CCDC171: variants seen among roughly 807,000 people sequenced by gnomAD.
The protein encoded by CCDC171 is coiled-coil domain-containing protein 171.
Under a neutral mutation model 168.2 loss-of-function variants are expected in CCDC171, and 177 were observed. The ratio of observed to expected loss-of-function variants is 1.05; its 90% CI spans 0.93 to 1.19. The LOEUF is 1.19. Among genes scored for constraint, CCDC171 ranks in the 50% most tolerant of loss-of-function variants. CCDC171 has a pLI of 0.00. For missense variants in CCDC171, 1,991 were observed against 1,539.0 expected (o/e 1.29, Z -4.91); for synonymous variants, 687 against 540.8 (o/e 1.27, Z -3.75).
intron 24 of CCDC171, among the ~76,000 whole-genome samples, chr9:15,893,450 A>G (rs2794647): frequency 0.41 from 62,549 of 152,008 alleles, 13,046 homozygotes; most frequent in Admixed American, 0.44. Flanking sequence ...TAATTAAACT[A>G]AAGAGCTTCT....
Position 15,571,675 on chromosome 9 carries a change from G to C in CCDC171, c.93G>C (p.Glu31Asp), listed in dbSNP as rs754558002. The change falls in exon 3 of 26, where the codon GAG becomes GAC. Residue 31 changes from glutamate to aspartate, a missense_variant. Transcript: ENST00000380701. ...DVKQILKNET[E>D]LDITDNLRKK... ...AACAAATACTTAAAAATGAAACAGA[G>C]TTGGATATTACTGATAATCTCAGGA... The C allele has an allele frequency of 5.7e-6, 9 of 1,574,708 alleles. No homozygotes were observed. Among genetic ancestry groups the C allele is most frequent in the Non-Finnish European group, 7.7e-6 (9 of 1,166,784 alleles).
intron 1 of CCDC171, among the ~76,000 whole-genome samples, chr9:16,044,050 G>A (rs1180489816): frequency 2.6e-5 from 4 of 152,130 alleles, no homozygotes; most frequent in South Asian, 2.1e-4. Flanking sequence ...AGAGGCCTTC[G>A]GTCATTTATC....
chr9:15,627,673 G>T (rs2045280503), intron 7 of CCDC171, among the ~76,000 whole-genome samples: 5 of 152,168 alleles, frequency 3.3e-5, no homozygotes, highest in Admixed American at 3.3e-4. Context: ...ATGCACTGTG[G>T]TCTTAGAGAC....
intron 1 of CCDC171, among the ~76,000 whole-genome samples, chr9:15,561,406 T>C (rs2039291404): frequency 6.6e-6 from 1 of 152,172 alleles, no homozygotes; most frequent in Admixed American, 6.5e-5. Context: ...CTGATTTTGA[T>C]TGCATGTCAT....
chr9:16,074,166 C>A, the CCDC171 span, among the ~76,000 whole-genome samples: 2 of 152,192 alleles, frequency 1.3e-5, no homozygotes, highest in Non-Finnish European at 2.9e-5. Context: ...CCAGTGCCTT[C>A]AATTACATTC....
At chr9:15,612,508 T>TG (rs1036467576) in intron 6 of CCDC171, among the ~76,000 whole-genome samples, 2 of 152,340 alleles carry the variant, frequency 1.3e-5, no homozygotes, top group African/African-American at 4.8e-5. Flanking sequence ...TTTTAACTTA[T>TG]GATCTTCTGA....
At chr9:15,805,475 G>C in intron 21 of CCDC171, among the ~76,000 whole-genome samples, 1 of 151,976 alleles carries the variant, frequency 6.6e-6, no homozygotes. Flanking sequence ...AGAACTTCTT[G>C]ATTTCTGCCT....
At chr9:15,839,975 A>G (rs1315733879) in intron 21 of CCDC171, among the ~76,000 whole-genome samples, 2 of 130,842 alleles carry the variant, frequency 1.5e-5, no homozygotes, top group Non-Finnish European at 3.5e-5. Flanking sequence ...TTGACCTTCA[A>G]ATTCTCTTAA....
intron 11 of CCDC171, among the ~76,000 whole-genome samples, chr9:15,697,369 A>T (rs2051294455): frequency 6.6e-6 from 1 of 152,036 alleles, no homozygotes; most frequent in Non-Finnish European, 1.5e-5. Flanking sequence ...ACCTTTTGGG[A>T]TCTGTTAACC....
intron 7 of CCDC171, among the ~76,000 whole-genome samples, chr9:15,644,770 G>T (rs1030089678): frequency 6.6e-6 from 1 of 152,186 alleles, no homozygotes; most frequent in African/African-American, 2.4e-5. Context: ...GGAGCCCACC[G>T]CAGCCCAAGG....
chr9:15,883,456 A>C (rs746200157), intron 24 of CCDC171, among the ~76,000 whole-genome samples: 2 of 151,846 alleles, frequency 1.3e-5, no homozygotes, highest in Non-Finnish European at 2.9e-5. Context: ...CTGTCTCTCA[A>C]CTCCTTCTGA....
chr9:15,806,568 C>A (rs1777867207), intron 21 of CCDC171, among the ~76,000 whole-genome samples: 1 of 152,184 alleles, frequency 6.6e-6, no homozygotes, highest in Non-Finnish European at 1.5e-5. Context: ...GGCCTCCAAT[C>A]TGTTCTTGCT....
chr9:15,912,754 T>A (rs1239523135), intron 24 of CCDC171, among the ~76,000 whole-genome samples: 1 of 152,218 alleles, frequency 6.6e-6, no homozygotes, highest in African/African-American at 2.4e-5. Context: ...TGAAAGGGTG[T>A]TTAATTTTAT....
intron 6 of CCDC171, among the ~76,000 whole-genome samples, chr9:15,617,062 T>C (rs1050469986): frequency 8.5e-5 from 13 of 152,212 alleles, no homozygotes; most frequent in Non-Finnish European, 1.8e-4. Context: ...CTCTCTATAC[T>C]GGTTATTCTA....
chr9:15,762,523 A>G (rs2056503263), intron 18 of CCDC171, among the ~76,000 whole-genome samples: 1 of 152,206 alleles, frequency 6.6e-6, no homozygotes, highest in Non-Finnish European at 1.5e-5. Flanking sequence ...TTAGGAAAAA[A>G]TACAAATGTT....
At chr9:15,715,144 G>C (rs921746670) in intron 11 of CCDC171, among the ~76,000 whole-genome samples, 3 of 152,172 alleles carry the variant, frequency 2.0e-5, no homozygotes, top group African/African-American at 7.2e-5. Context: ...CATCAACGAA[G>C]CAGGGACTTC....
intron 6 of CCDC171, among the ~76,000 whole-genome samples, chr9:15,600,735 T>G (rs1056654041): frequency 6.6e-6 from 1 of 152,082 alleles, no homozygotes; most frequent in Admixed American, 6.5e-5. Flanking sequence ...CCCCCAGAGG[T>G]GGAGTCTACA....
intron 7 of CCDC171, among the ~76,000 whole-genome samples, chr9:15,644,598 C>T (rs1471046606): frequency 6.6e-6 from 1 of 152,204 alleles, no homozygotes; most frequent in Non-Finnish European, 1.5e-5. Flanking sequence ...AGATTATATC[C>T]CGCACCTGGC....
At position 15,973,883 on chromosome 9, in the gene CCDC171, G is replaced by A. The variant is rs752703649; in HGVS notation, c.*2047G>A. 1 of 152,140 alleles carries A rather than the reference G, an allele frequency of 6.6e-6. No individual in the cohort carries two copies. The highest frequency in any genetic ancestry group is 6.6e-5 in the Admixed American group (1 of 15,258). 9.4% of individuals were successfully genotyped at this position (152,140 alleles called of 1,614,324 possible). On this transcript the variant is annotated 3_prime_UTR_variant, in exon 26 of 26. Transcript: ENST00000380701. ...TCTATGTCTAAGTGTTTGTGTGTGT[G>A]TATGCTTGTGTTGAATCTGTTTTCA...
Sources: gnomAD v4.1 joint callset for allele counts (sites outside exome capture counted in the v4.1 genomes callset) on GRCh38, gnomAD v4.1.1 for gene constraint, MANE v1.5 for transcripts, NCBI Gene and HGNC (gene_info 2026-07-23, HGNC 2026-07-21) for gene names.